Variants in CNIH4 observed in about 807,000 individuals in gnomAD.
CNIH4 encodes the protein cornichon family member 4.
In CNIH4, 9 loss-of-function variants were observed where a neutral mutation model predicts 21.5. That is an observed-to-expected ratio of 0.42 (90% CI 0.25 to 0.73). The LOEUF (loss-of-function observed/expected upper bound fraction) is 0.73. Among genes scored for constraint, CNIH4 ranks in the 30% least tolerant of loss-of-function variants. The pLI is 0.27. For missense variants in CNIH4, 159 were observed against 170.0 expected, an observed-to-expected ratio of 0.94 and a Z score of 0.36; for synonymous variants, 67 against 59.1, an observed-to-expected ratio of 1.13 and a Z score of -0.61.
chr1:224,372,623 C>G (rs917293084), intron 4 of CNIH4, among the ~76,000 whole-genome samples: 1 of 151,928 alleles, frequency 6.6e-6, no homozygotes, highest in Non-Finnish European at 1.5e-5. Context: ...CGCTCTGTCA[C>G]CCAGGGTGGA....
intron 4 of CNIH4, among the ~76,000 whole-genome samples, chr1:224,373,503 T>C (rs528599501): frequency 5.3e-5 from 8 of 152,092 alleles, no homozygotes; most frequent in Non-Finnish European, 1.2e-4. Flanking sequence ...AAAATGTACA[T>C]GAGTTTCTGA....
At position 224,379,150 on chromosome 1, in the gene CNIH4, T is replaced by C; in HGVS notation, c.*3328T>C. On this transcript the variant is annotated 3_prime_UTR_variant, in exon 5 of 5. Coordinates refer to ENST00000465271, the MANE Select transcript of CNIH4 (RefSeq NM_014184.4). Reference sequence around the variant, plus strand: ...GAAATCCAAGATGCAGCTCAGTTCATCAAAGCCTAGCAGGTCCCCTCAGCT... The same window carrying C: ...GAAATCCAAGATGCAGCTCAGTTCACCAAAGCCTAGCAGGTCCCCTCAGCT... 2 of 1,536,270 alleles carry C rather than the reference T, an allele frequency of 1.3e-6. No homozygotes were observed. Among genetic ancestry groups the C allele is most frequent in the South Asian group, 2.4e-5 (2 of 83,768 alleles).
In CNIH4 at chr1:224,369,826, G is replaced by A. The variant is rs199608728; in HGVS notation, c.252-1457G>A. On this transcript the variant is annotated intron_variant, in intron 3 of 4. Coordinates refer to ENST00000465271, the MANE Select transcript of CNIH4 (RefSeq NM_014184.4). ...TGAGTAGGTGGGATTACAGGCATGC[G>A]CCACCACGCCTGGCTAATTTTGTAT... is the stretch of plus-strand genomic sequence containing the variant. Among the ~76,000 whole-genome samples the A allele has an allele frequency of 2.0e-4, 30 of 151,832 alleles. No individual in the cohort carries two copies. In the East Asian group the frequency reaches 4.5e-3, roughly 23 times the overall value.
At chr1:224,359,099 A>G (rs955288190) in intron 1 of CNIH4, among the ~76,000 whole-genome samples, 2 of 152,210 alleles carry the variant, frequency 1.3e-5, no homozygotes, top group African/African-American at 4.8e-5. Context: ...CGAATAGACC[A>G]TCTGGAGCAC....
intron 3 of CNIH4, among the ~76,000 whole-genome samples, chr1:224,367,597 G>A (rs1040366089): frequency 2.6e-5 from 4 of 151,298 alleles, no homozygotes; most frequent in Non-Finnish European, 5.9e-5. Context: ...ATTCACAGGT[G>A]TGATATAGTG....
intron 3 of CNIH4, among the ~76,000 whole-genome samples, chr1:224,370,403 C>T (rs1012464741): frequency 2.2e-4 from 34 of 152,302 alleles, no homozygotes; most frequent in Admixed American, 2.2e-3. Flanking sequence ...AATTGAGAAG[C>T]TGTGTGACAA....
intron 2 of CNIH4, among the ~76,000 whole-genome samples, chr1:224,362,367 G>A (rs1238117439): frequency 8.2e-6 from 1 of 121,222 alleles, no homozygotes; most frequent in Non-Finnish European, 1.7e-5. Context: ...TATTCTATAT[G>A]ATTCTCATTC....
chr1:224,375,769 G>A lies in CNIH4; in HGVS notation c.393-26G>A, dbSNP rs149712078. ...TAGGAACATTCCTGAGAAAACATTA[G>A]TGACATTCATTTCTTCTTTCCACAG... On this transcript the variant is annotated intron_variant, in intron 4 of 4. Transcript: ENST00000465271. The A allele has an allele frequency of 2.1e-3, 3,387 of 1,613,676 alleles. 87 individuals carry two copies. In the Admixed American group the frequency reaches 0.044, roughly 21 times the overall value.
chr1:224,360,704 G>T, intron 2 of CNIH4, 141 bp downstream of exon 2: 1 of 434,022 alleles, frequency 2.3e-6, no homozygotes, highest in Non-Finnish European at 4.2e-6. Flanking sequence ...GAACTGCTGT[G>T]TTTTACAATA....
At chr1:224,372,181 T>C (rs765776230) in intron 4 of CNIH4, among the ~76,000 whole-genome samples, 12 of 152,192 alleles carry the variant, frequency 7.9e-5, no homozygotes, top group Non-Finnish European at 1.5e-4. Flanking sequence ...GTATCAGTCT[T>C]CTAGTTATAA....
At chr1:224,375,228 T>G (rs1672745686) in intron 4 of CNIH4, among the ~76,000 whole-genome samples, 2 of 151,930 alleles carry the variant, frequency 1.3e-5, no homozygotes, top group African/African-American at 4.8e-5. Flanking sequence ...ATCTCAAGAG[T>G]TGCTCATAGT....
chr1:224,360,010 C>T (rs1461433289), intron 1 of CNIH4, among the ~76,000 whole-genome samples: 6 of 152,022 alleles, frequency 3.9e-5, no homozygotes, highest in Non-Finnish European at 5.9e-5. Context: ...GTGGCGCGCA[C>T]CTATAGTTCC....
chr1:224,362,551 G>C (rs189076292), intron 2 of CNIH4, among the ~76,000 whole-genome samples: 40 of 141,584 alleles, frequency 2.8e-4, no homozygotes, highest in African/African-American at 8.2e-4. Context: ...TTGCAGTGGC[G>C]TGATCTCAGC....
chr1:224,365,103 C>G (rs1269559853), intron 2 of CNIH4, among the ~76,000 whole-genome samples: 1 of 152,170 alleles, frequency 6.6e-6, no homozygotes, highest in East Asian at 1.9e-4. Context: ...GGCAATTTAC[C>G]TAACCACTCT....
At position 224,378,191 on chromosome 1, in the gene CNIH4, A is replaced by T. The variant is rs1337877792; in HGVS notation, c.*2369A>T. On this transcript the variant is annotated 3_prime_UTR_variant, in exon 5 of 5. Coordinates refer to ENST00000465271, the MANE Select transcript of CNIH4 (RefSeq NM_014184.4). ...TGCCTCAGCTTCCCAAGTAGTTGGG[A>T]GTAGGTGCACACCACCATGCCCAGC... is the stretch of plus-strand genomic sequence containing the variant. 1 of 152,296 alleles carries T rather than the reference A, an allele frequency of 6.6e-6. No homozygotes were observed. Among genetic ancestry groups the T allele is most frequent in the Non-Finnish European group, 1.5e-5 (1 of 68,206 alleles). The allele number at this position is 152,296 out of a possible 1,614,324, so 9.4% of individuals were successfully genotyped here.
intron 2 of CNIH4, among the ~76,000 whole-genome samples, chr1:224,363,068 G>A (rs1405287383): frequency 1.3e-5 from 2 of 151,234 alleles, no homozygotes; most frequent in African/African-American, 4.9e-5. Context: ...TTTTGAGATG[G>A]AGTTTTGCAC....
At chr1:224,370,402 G>A (rs1378391964) in intron 3 of CNIH4, among the ~76,000 whole-genome samples, 1 of 152,208 alleles carries the variant, frequency 6.6e-6, no homozygotes, top group African/African-American at 2.4e-5. Context: ...TAATTGAGAA[G>A]CTGTGTGACA....
At chr1:224,374,604 A>C (rs958490642) in intron 4 of CNIH4, among the ~76,000 whole-genome samples, 1 of 150,444 alleles carries the variant, frequency 6.6e-6, no homozygotes, top group Admixed American at 6.6e-5. Context: ...TAGTAGAGTC[A>C]GGGTTTCACC....
intron 3 of CNIH4, among the ~76,000 whole-genome samples, chr1:224,366,692 C>T (rs1672466282): frequency 6.7e-6 from 1 of 148,350 alleles, no homozygotes; most frequent in Admixed American, 6.7e-5. Flanking sequence ...GGTACAGTGG[C>T]TCACGCCTGT....
Sources: gnomAD v4.1 joint callset for allele counts (sites outside exome capture counted in the v4.1 genomes callset) on GRCh38, gnomAD v4.1.1 for gene constraint, MANE v1.5 for transcripts, NCBI Gene and HGNC (gene_info 2026-07-23, HGNC 2026-07-21) for gene names.